MYO16: variants seen among roughly 807,000 people sequenced by gnomAD.
MYO16 encodes the protein unconventional myosin-XVI.
Under a neutral mutation model 205.3 loss-of-function variants are expected in MYO16, and 94 were observed. That is an observed-to-expected ratio of 0.46 (90% CI 0.39 to 0.54). The LOEUF (loss-of-function observed/expected upper bound fraction) is 0.54. Ranked by LOEUF, MYO16 falls within the 20% of genes least tolerant of loss-of-function variation. MYO16 has a pLI of 0.00. For synonymous variants in MYO16, 988 were observed against 954.0 expected, an observed-to-expected ratio of 1.04 and a Z score of -0.66; for missense variants, 2,315 against 2,387.5, an observed-to-expected ratio of 0.97 and a Z score of 0.63.
At chr13:108,809,973 G>C (rs196182) in intron 7 of MYO16, among the ~76,000 whole-genome samples, 1 of 151,972 alleles carries the variant, frequency 6.6e-6, no homozygotes, top group Non-Finnish European at 1.5e-5. Context: ...AGATTTTTGC[G>C]AATCATGAAG....
At chr13:108,835,535 A>C (rs1358852347) in intron 9 of MYO16, among the ~76,000 whole-genome samples, 4 of 152,214 alleles carry the variant, frequency 2.6e-5, no homozygotes, top group Non-Finnish European at 5.9e-5. Context: ...AAAGTGTGTA[A>C]GCAACTTTGT....
intron 12 of MYO16, among the ~76,000 whole-genome samples, chr13:108,882,295 A>G (rs1201711993): frequency 6.6e-6 from 1 of 152,196 alleles, no homozygotes; most frequent in African/African-American, 2.4e-5. Context: ...AGTAATGCCC[A>G]TAGAGCTAGA....
chr13:108,644,285 C>T (rs186500615), intron 1 of MYO16, among the ~76,000 whole-genome samples: 109 of 152,266 alleles, frequency 7.2e-4, no homozygotes, highest in Admixed American at 2.4e-3. Flanking sequence ...TTCTTACACT[C>T]CCACCACTCC....
chr13:108,609,275 G>A (rs1476697344), intron 1 of MYO16, among the ~76,000 whole-genome samples: 3 of 152,106 alleles, frequency 2.0e-5, no homozygotes, highest in African/African-American at 7.2e-5. Flanking sequence ...GCTTTGCACT[G>A]GGGAGAAAGG....
intron 27 of MYO16, among the ~76,000 whole-genome samples, chr13:109,091,609 G>A (rs4773027): frequency 1.5e-3 from 224 of 152,214 alleles, no homozygotes; most frequent in Admixed American, 7.1e-3. Flanking sequence ...CAGCACTGGC[G>A]ACCGCATTTC....
chr13:109,095,552 A>G (rs1417823015), intron 27 of MYO16, among the ~76,000 whole-genome samples: 1 of 152,222 alleles, frequency 6.6e-6, no homozygotes, highest in African/African-American at 2.4e-5. Context: ...TTTAGTTGAA[A>G]TGTCAGAATT....
chr13:108,776,010 G>A (rs1263654118), intron 4 of MYO16, among the ~76,000 whole-genome samples: 1 of 152,102 alleles, frequency 6.6e-6, no homozygotes, highest in Non-Finnish European at 1.5e-5. Flanking sequence ...CAACTTCCAT[G>A]AATTGTTATA....
At chr13:108,571,637 T>C in the MYO16 span, among the ~76,000 whole-genome samples, 150,340 of 152,206 alleles carry the variant, frequency 0.99, 74,272 homozygotes, top group South Asian at 1. Flanking sequence ...CTGCAGGTCT[T>C]GTGGGTTCTC....
chr13:108,687,678 T>C (rs1282670846), intron 2 of MYO16, among the ~76,000 whole-genome samples: 1 of 152,188 alleles, frequency 6.6e-6, no homozygotes, highest in South Asian at 2.1e-4. Context: ...AATAGAAAAA[T>C]GAACAAGGGC....
chr13:108,626,962 ATATATAT>A (rs1047263387), upstream of MYO16, among the ~76,000 whole-genome samples: 3 of 145,842 alleles, frequency 2.1e-5, no homozygotes, highest in Non-Finnish European at 4.5e-5. Context: ...TGTATATAAT[ATATATAT>A]TATATATTAT....
chr13:109,143,903 C>T (rs1877210368), intron 32 of MYO16, among the ~76,000 whole-genome samples: 1 of 152,118 alleles, frequency 6.6e-6, no homozygotes, highest in Non-Finnish European at 1.5e-5. Flanking sequence ...TGGCCTTTGG[C>T]ATAGTTGCTG....
intron 16 of MYO16, among the ~76,000 whole-genome samples, chr13:108,930,005 G>A (rs1250173107): frequency 6.6e-6 from 1 of 152,186 alleles, no homozygotes; most frequent in African/African-American, 2.4e-5. Flanking sequence ...GCAATTTGCT[G>A]AATGATGCAT....
At chr13:108,497,028 C>A in the MYO16 span, among the ~76,000 whole-genome samples, 2 of 152,172 alleles carry the variant, frequency 1.3e-5, no homozygotes, top group Non-Finnish European at 2.9e-5. Context: ...ATTTACAACA[C>A]GCGTTTGTCA....
intron 4 of MYO16, among the ~76,000 whole-genome samples, chr13:108,743,274 G>T (rs547501244): frequency 2.0e-5 from 3 of 152,132 alleles, no homozygotes; most frequent in Non-Finnish European, 4.4e-5. Flanking sequence ...ATTTGGGGTG[G>T]AAGTAATTTG....
chr13:108,825,072 GGATACAAAAATCA>G (rs1566353013), intron 9 of MYO16, among the ~76,000 whole-genome samples: 1 of 151,818 alleles, frequency 6.6e-6, no homozygotes, highest in Non-Finnish European at 1.5e-5. Context: ...AGAATTACCC[GGATACAAAAATCA>G]GATAAAAATA....
chr13:109,088,783 A>G (rs1168479622), intron 27 of MYO16, among the ~76,000 whole-genome samples: 2 of 152,196 alleles, frequency 1.3e-5, no homozygotes, highest in Non-Finnish European at 1.5e-5. Context: ...TTTAGACAGA[A>G]GCACACAGAG....
chr13:108,881,410 G>A (rs373006641), intron 12 of MYO16, among the ~76,000 whole-genome samples: 4 of 152,296 alleles, frequency 2.6e-5, no homozygotes, highest in East Asian at 3.9e-4. Context: ...GCAGCTCCTC[G>A]CCAGCAATGG....
the MYO16 span, among the ~76,000 whole-genome samples, chr13:108,579,822 C>T: frequency 6.6e-6 from 1 of 152,124 alleles, no homozygotes; most frequent in East Asian, 1.9e-4. Flanking sequence ...AAATAAAGAG[C>T]CATGCCTATT....
At chr13:108,762,202 C>A (rs542978520) in intron 4 of MYO16, among the ~76,000 whole-genome samples, 1 of 152,296 alleles carries the variant, frequency 6.6e-6, no homozygotes, top group South Asian at 2.1e-4. Context: ...AAGTAGTATT[C>A]CATCGTCTAT....
Sources: gnomAD v4.1 joint callset for allele counts (sites outside exome capture counted in the v4.1 genomes callset) on GRCh38, gnomAD v4.1.1 for gene constraint, MANE v1.5 for transcripts, NCBI Gene and HGNC (gene_info 2026-07-23, HGNC 2026-07-21) for gene names.